Variants in PRRX1 observed in about 807,000 individuals in gnomAD.
The protein encoded by PRRX1 is paired related homeobox 1, also known as paired mesoderm homeobox protein 1.
In PRRX1, 8 loss-of-function variants were observed where a neutral mutation model predicts 24.0. The observed-to-expected ratio is 0.33, with a 90% CI of 0.20 to 0.60. PRRX1 has a LOEUF of 0.60. Among genes scored for constraint, PRRX1 ranks in the 20% least tolerant of loss-of-function variants. The probability of loss-of-function intolerance (pLI) is 0.82; values close to 1 mark genes in which losing one functional copy is unlikely to be tolerated. For missense variants in PRRX1, 281 were observed against 322.4 expected (o/e 0.87, Z 0.98); for synonymous variants, 160 against 131.7 (o/e 1.22, Z -1.47).
intron 3 of PRRX1, among the ~76,000 whole-genome samples, chr1:170,732,069 T>C (rs1461296184): frequency 6.6e-6 from 1 of 152,150 alleles, no homozygotes; most frequent in African/African-American, 2.4e-5. Flanking sequence ...GGATCTCTGG[T>C]TGTTGTTAAG....
intron 2 of PRRX1, among the ~76,000 whole-genome samples, chr1:170,724,089 G>A (rs893951629): frequency 2.0e-5 from 3 of 152,030 alleles, no homozygotes; most frequent in Admixed American, 1.3e-4. Context: ...CCTAGCCCTG[G>A]TAACACTTAA....
chr1:170,729,624 G>A (rs1646437870), intron 3 of PRRX1, among the ~76,000 whole-genome samples: 1 of 152,128 alleles, frequency 6.6e-6, no homozygotes, highest in South Asian at 2.1e-4. Flanking sequence ...TATAAGCCAG[G>A]ATTGTCCCTA....
Position 170,737,937 on chromosome 1 carries a change from G to A in PRRX1, c.*1751G>A, listed in dbSNP as rs1363271800. 9.2e-6 allele frequency: 2 copies of A among 216,710 alleles called. No homozygotes were observed. Among genetic ancestry groups the A allele is most frequent in the Admixed American group, 5.8e-5 (1 of 17,184 alleles). The allele number at this position is 216,710 out of a possible 1,614,324, so 13.4% of individuals were successfully genotyped here. On this transcript the variant is annotated 3_prime_UTR_variant, in exon 4 of 4. Coordinates refer to ENST00000239461, the MANE Select transcript of PRRX1 (RefSeq NM_022716.4). ...TAAAAGTGTACAATGTTAATGGAAT[G>A]ATACGGTACCTGAAAGCCTTGTTTT...
At chr1:170,690,612 T>G (rs1653911112) in intron 1 of PRRX1, among the ~76,000 whole-genome samples, 1 of 152,062 alleles carries the variant, frequency 6.6e-6, no homozygotes, top group African/African-American at 2.4e-5. Flanking sequence ...AAATAAGTGT[T>G]TGGTAAAATT....
intron 1 of PRRX1, among the ~76,000 whole-genome samples, chr1:170,670,691 A>G (rs1466273864): frequency 6.6e-6 from 1 of 152,198 alleles, no homozygotes; most frequent in African/African-American, 2.4e-5. Context: ...ACTTTTCTTG[A>G]TAAAAATATA....
chr1:170,697,783 GATATATAAATATGT>G (rs1319699035), intron 1 of PRRX1, among the ~76,000 whole-genome samples: 2 of 143,710 alleles, frequency 1.4e-5, no homozygotes, highest in African/African-American at 2.5e-5. Context: ...TACATATAAA[GATATATAAATATGT>G]ATATATAAAT....
chr1:170,719,576 T>G (rs1344457166), intron 1 of PRRX1, 150 bp from the exon 2 acceptor site: 2 of 851,092 alleles, frequency 2.3e-6, no homozygotes, highest in African/African-American at 3.4e-5. Context: ...ATGGCCACAT[T>G]TGCACATGCA....
intron 1 of PRRX1, among the ~76,000 whole-genome samples, chr1:170,711,853 C>A (rs1288834815): frequency 6.6e-6 from 1 of 152,154 alleles, no homozygotes; most frequent in South Asian, 2.1e-4. Context: ...GTTTAGAAAG[C>A]TTCTAATATC....
intron 1 of PRRX1, among the ~76,000 whole-genome samples, chr1:170,674,409 A>T (rs1389428244): frequency 1.3e-5 from 2 of 152,102 alleles, no homozygotes; most frequent in Non-Finnish European, 2.9e-5. Context: ...CGTTTTTGCA[A>T]ATCTTCCCAT....
chr1:170,698,005 T>C (rs1654229947), intron 1 of PRRX1, among the ~76,000 whole-genome samples: 1 of 151,922 alleles, frequency 6.6e-6, no homozygotes, highest in African/African-American at 2.4e-5. Flanking sequence ...TAGTATCATC[T>C]CCAAGATCAG....
intron 3 of PRRX1, among the ~76,000 whole-genome samples, chr1:170,733,627 C>G (rs575716883): frequency 6.6e-6 from 1 of 152,116 alleles, no homozygotes; most frequent in Non-Finnish European, 1.5e-5. Context: ...TATGTGTTTA[C>G]AATTTCACTA....
intron 1 of PRRX1, among the ~76,000 whole-genome samples, chr1:170,678,263 T>G (rs1437166500): frequency 6.6e-6 from 1 of 152,218 alleles, no homozygotes; most frequent in Non-Finnish European, 1.5e-5. Context: ...AGATGGCACT[T>G]CTATATCATG....
intron 1 of PRRX1, among the ~76,000 whole-genome samples, chr1:170,719,200 A>G (rs891130595): frequency 6.6e-6 from 1 of 152,218 alleles, no homozygotes; most frequent in South Asian, 2.1e-4. Context: ...AGGAGAGTTC[A>G]TGGTAAAACA....
intron 1 of PRRX1, among the ~76,000 whole-genome samples, chr1:170,711,221 T>A (rs746885083): frequency 1.3e-5 from 2 of 152,222 alleles, no homozygotes; most frequent in Non-Finnish European, 2.9e-5. Flanking sequence ...AACTTTGATA[T>A]CCTTTTCAGC....
At chr1:170,708,968 A>G (rs141449237) in intron 1 of PRRX1, among the ~76,000 whole-genome samples, 27 of 152,320 alleles carry the variant, frequency 1.8e-4, no homozygotes, top group African/African-American at 4.6e-4. Context: ...CAGAGTAGGC[A>G]CTTTCACCAA....
intron 1 of PRRX1, among the ~76,000 whole-genome samples, chr1:170,697,339 A>G (rs577240153): frequency 6.6e-6 from 1 of 152,174 alleles, no homozygotes; most frequent in Non-Finnish European, 1.5e-5. Context: ...ATAATATTGC[A>G]TGTGTAAAAG....
intron 1 of PRRX1, among the ~76,000 whole-genome samples, chr1:170,674,809 GA>G (rs1469219208): frequency 6.6e-6 from 1 of 151,560 alleles, no homozygotes; most frequent in Non-Finnish European, 1.5e-5. Context: ...GTTCATTTTT[GA>G]AAATGTATTA....
intron 1 of PRRX1, among the ~76,000 whole-genome samples, chr1:170,718,102 G>C (rs1216178726): frequency 6.6e-6 from 1 of 152,174 alleles, no homozygotes; most frequent in Non-Finnish European, 1.5e-5. Context: ...CTTGGCTGGA[G>C]GAATCTGGTT....
At chr1:170,710,619 A>G (rs1280904683) in intron 1 of PRRX1, among the ~76,000 whole-genome samples, 1 of 152,236 alleles carries the variant, frequency 6.6e-6, no homozygotes, top group African/African-American at 2.4e-5. Context: ...CCAAATTCAT[A>G]TATTGAATCC....
Sources: allele counts gnomAD v4.1 joint callset (sites outside exome capture counted in the v4.1 genomes callset), GRCh38; gene constraint gnomAD v4.1.1; transcripts MANE v1.5; gene names NCBI Gene and HGNC (gene_info 2026-07-23, HGNC 2026-07-21).